The following CASR variants were observed in gnomAD, a reference collection of about 807,000 sequenced individuals.
CASR encodes the protein extracellular calcium-sensing receptor.
A neutral mutation model predicts 69.1 loss-of-function variants in CASR; 23 were observed. The observed-to-expected ratio is 0.33, with a 90% CI of 0.24 to 0.47. CASR has a LOEUF of 0.47. Ranked by LOEUF, CASR falls within the 20% of genes least tolerant of loss-of-function variation. The pLI is 1.00. For missense variants in CASR, 924 were observed against 1,356.1 expected, an observed-to-expected ratio of 0.68 and a Z score of 5.00; for synonymous variants, 541 against 544.7, an observed-to-expected ratio of 0.99 and a Z score of 0.10.
Position 122,285,295 on chromosome 3 carries a change from A to C in CASR, c.*104A>C. 1 of 1,037,994 alleles carries C rather than the reference A, an allele frequency of 9.6e-7. No homozygotes were observed. The highest frequency in any genetic ancestry group is 1.5e-6 in the Non-Finnish European group (1 of 667,456). 64.3% of individuals were successfully genotyped at this position (1,037,994 alleles called of 1,614,324 possible). A position where few individuals can be genotyped will look rare whatever the true frequency, so the allele number is the denominator to read the frequency against. On this transcript the variant is annotated 3_prime_UTR_variant, in exon 7 of 7. Coordinates refer to ENST00000639785, the MANE Select transcript of CASR (RefSeq NM_000388.4). ...CCTTTCCTCTGAGGAAGAAGGGATA[A>C]TAGACACATCAAATGCCCCGAATTT...
Position 122,261,888 on chromosome 3 carries a change from C to T in CASR, c.853C>T (p.Arg285Trp), listed in dbSNP as rs1553766800. The T allele has an allele frequency of 3.7e-6, 6 of 1,614,176 alleles. No homozygotes were observed. Among genetic ancestry groups the T allele is most frequent in the East Asian group, 4.5e-5 (2 of 44,878 alleles). The change falls in exon 4 of 7, where the codon CGG becomes TGG. Residue 285 changes from arginine (R) to tryptophan (W), a missense_variant. By Grantham distance (101) the Arg-to-Trp change is moderately radical (BLOSUM62 -3). Around this residue, in one of 8 missense-constraint regions of CASR, gnomAD observed 310 missense variants for 395.7 expected, o/e 0.78. Coordinates refer to ENST00000639785, the MANE Select transcript of CASR (RefSeq NM_000388.4). The part of the protein sequence containing the change: ...DLEPLIKEIV[R>W]RNITGKIWLA... ...TGAGCCCCTCATCAAGGAGATTGTCCGGCGCAATATCACGGGCAAGATCTG... is the reference window on the plus strand; with the variant it reads ...TGAGCCCCTCATCAAGGAGATTGTCTGGCGCAATATCACGGGCAAGATCTG...
intron 5 of CASR, among the ~76,000 whole-genome samples, chr3:122,281,040 G>T (rs2074881648): frequency 6.6e-6 from 1 of 152,150 alleles, no homozygotes; most frequent in South Asian, 2.1e-4. Context: ...TCAATTAGCT[G>T]GTGCAAAGAA....
intron 4 of CASR, among the ~76,000 whole-genome samples, chr3:122,273,273 T>G (rs774619279): frequency 6.6e-6 from 1 of 152,252 alleles, no homozygotes; most frequent in Non-Finnish European, 1.5e-5. Flanking sequence ...TAGAAAAGCC[T>G]TGTTTAACCC....
At chr3:122,222,043 G>C (rs894097425) in intron 1 of CASR, among the ~76,000 whole-genome samples, 1 of 152,180 alleles carries the variant, frequency 6.6e-6, no homozygotes, top group Non-Finnish European at 1.5e-5. Context: ...ACCCAAAAGA[G>C]AGAACTGGCT....
rs1576852377 is a variant in CASR at position 122,254,378 on chromosome 3, A to G, written c.185+4A>G. ...CGGAGTCTGTGGAATGTATCAGGTA[A>G]GAAGAGGGGCCTAATCTGCCAATCT... On this transcript the variant is annotated splice_donor_region_variant and intron_variant, in intron 2 of 6. Coordinates refer to ENST00000639785, the MANE Select transcript of CASR (RefSeq NM_000388.4). 1.2e-6 allele frequency: 2 copies of G among 1,613,716 alleles called. No homozygotes were observed. The highest frequency in any genetic ancestry group is 1.3e-5 in the African/African-American group (1 of 74,926).
Position 122,290,275 on chromosome 3 carries a change from T to C in CASR, c.*5084T>C, listed in dbSNP as rs371265251. ...CATGGATGGCAAATATTTTCAAGTT[T>C]GGTGAAAATAGGTAAGAGATCAAAG... On this transcript the variant is annotated 3_prime_UTR_variant, in exon 7 of 7. Coordinates refer to ENST00000639785, the MANE Select transcript of CASR (RefSeq NM_000388.4). The C allele has an allele frequency of 1.5e-4, 23 of 152,216 alleles. No homozygotes were observed. The highest frequency in any genetic ancestry group is 5.5e-4 in the African/African-American group (23 of 41,514). 9.4% of individuals were successfully genotyped at this position (152,216 alleles called of 1,614,324 possible).
intron 1 of CASR, among the ~76,000 whole-genome samples, chr3:122,193,087 T>C (rs1460701873): frequency 6.6e-6 from 1 of 152,216 alleles, no homozygotes; most frequent in Non-Finnish European, 1.5e-5. Context: ...TCTTTAATTT[T>C]CATCACCCCT....
At chr3:122,276,182 T>C (rs2074818065) in intron 5 of CASR, 140 bp downstream of exon 5, 1 of 698,502 alleles carries the variant, frequency 1.4e-6, no homozygotes, top group Admixed American at 2.1e-5. Context: ...CTTTGCAATC[T>C]TGGGGCTCCC....
chr3:122,261,941 C>T lies in CASR; in HGVS notation c.906C>T (p.Ser302=), dbSNP rs201067850. Residue 302 remains serine, a synonymous_variant, in exon 4 of 7, where the codon TCC becomes TCT. Transcript: ENST00000639785. ...IWLASEAWAS[S]SLIAMPQYFH... ...TGGCCAGCGAGGCCTGGGCCAGCTC[C>T]TCCCTGATCGCCATGCCTCAGTACT... 694 of 1,614,148 alleles carry T rather than the reference C, an allele frequency of 4.3e-4. 2 individuals carry two copies. Among genetic ancestry groups the T allele is most frequent in the Non-Finnish European group, 2.2e-4 (262 of 1,179,968 alleles).
intron 1 of CASR, chr3:122,247,303 C>T (rs1576846617): frequency 6.6e-6 from 1 of 152,216 alleles, no homozygotes; most frequent in East Asian, 1.9e-4. Flanking sequence ...CCCCAGAACA[C>T]TTCCTGGTGA....
intron 2 of CASR, among the ~76,000 whole-genome samples, chr3:122,255,713 A>G (rs1177634072): frequency 6.6e-6 from 1 of 152,234 alleles, no homozygotes; most frequent in African/African-American, 2.4e-5. Context: ...ATATTTCATA[A>G]TAACTTTGTA....
chr3:122,281,968 C>T (rs1187441507), intron 5 of CASR, 145 bp from the exon 6 acceptor site: 4 of 1,109,712 alleles, frequency 3.6e-6, no homozygotes, highest in African/African-American at 3.1e-5. Context: ...ACCTCTGGAC[C>T]TCCCTTTGCC....
chr3:122,206,653 A>G (rs1055275544), intron 1 of CASR, among the ~76,000 whole-genome samples: 2 of 151,930 alleles, frequency 1.3e-5, no homozygotes, highest in African/African-American at 4.8e-5. Flanking sequence ...TAGAGTTGGT[A>G]TTAATTCTTC....
intron 1 of CASR, among the ~76,000 whole-genome samples, chr3:122,227,480 C>A (rs7649887): frequency 6.6e-6 from 1 of 152,224 alleles, no homozygotes; most frequent in East Asian, 1.9e-4. Flanking sequence ...AGTGCAGGGC[C>A]GCTGAGCCCA....
intron 5 of CASR, among the ~76,000 whole-genome samples, chr3:122,279,204 G>A (rs1214539986): frequency 6.6e-6 from 1 of 152,136 alleles, no homozygotes; most frequent in Admixed American, 6.5e-5. Flanking sequence ...GAGTCTAGGT[G>A]TCCAACATTA....
intron 1 of CASR, among the ~76,000 whole-genome samples, chr3:122,233,344 A>C (rs1404386693): frequency 6.6e-6 from 1 of 152,190 alleles, no homozygotes; most frequent in South Asian, 2.1e-4. Flanking sequence ...GCCACCCTAC[A>C]CTTTGCTCTC....
At chr3:122,212,040 C>G (rs1286495605) in intron 1 of CASR, among the ~76,000 whole-genome samples, 2 of 152,172 alleles carry the variant, frequency 1.3e-5, no homozygotes, top group African/African-American at 4.8e-5. Context: ...GCATTTGACC[C>G]AGCAATCCCA....
In CASR at chr3:122,226,518, T is replaced by A. The variant is rs536609479; in HGVS notation, c.-242-27430T>A. On this transcript the variant is annotated intron_variant, in intron 1 of 6. Coordinates refer to ENST00000639785, the MANE Select transcript of CASR (RefSeq NM_000388.4). ...GGACCCAAGCGGGTTGCCACTGCTG[T>A]CTCGGGCAGCCTGCTTTTATTCTCT... Among the ~76,000 whole-genome samples, 31 of 152,258 alleles carry A rather than the reference T, an allele frequency of 2.0e-4. No homozygotes were observed. The South Asian group carries it at 6.4e-3, about 32-fold the overall frequency.
At chr3:122,187,686 C>T (rs1195334522) in intron 1 of CASR, among the ~76,000 whole-genome samples, 2 of 152,158 alleles carry the variant, frequency 1.3e-5, no homozygotes, top group Non-Finnish European at 2.9e-5. Context: ...TGAGGAGTGA[C>T]ACCAGGTAGA....
Sources: allele counts gnomAD v4.1 joint callset (sites outside exome capture counted in the v4.1 genomes callset), GRCh38; gene constraint gnomAD v4.1.1; regional missense constraint gnomAD v4.1.1; transcripts MANE v1.5; gene names NCBI Gene and HGNC (gene_info 2026-07-23, HGNC 2026-07-21).